The following ADAMTSL1 variants were observed in gnomAD, a reference collection of about 807,000 sequenced individuals.
ADAMTSL1 encodes ADAMTS like 1.
A neutral mutation model predicts 201.8 loss-of-function variants in ADAMTSL1; 126 were observed. The observed-to-expected ratio is 0.62, with a 90% CI of 0.54 to 0.72. The LOEUF is 0.72. Among genes scored for constraint, ADAMTSL1 ranks in the 30% least tolerant of loss-of-function variants. The pLI is 0.00. For missense variants in ADAMTSL1, 2,679 were observed against 2,277.8 expected, an observed-to-expected ratio of 1.18 and a Z score of -3.59; for synonymous variants, 1,121 against 903.4, an observed-to-expected ratio of 1.24 and a Z score of -4.32.
chr9:18,551,716 G>T (rs1820809697), intron 3 of ADAMTSL1, among the ~76,000 whole-genome samples: 1 of 151,770 alleles, frequency 6.6e-6, no homozygotes. Flanking sequence ...GGCACATAGG[G>T]TCGTCGTGAG....
At chr9:18,009,608 A>G (rs1399526248) in intron 1 of ADAMTSL1, among the ~76,000 whole-genome samples, 3 of 152,156 alleles carry the variant, frequency 2.0e-5, no homozygotes, top group African/African-American at 7.2e-5. Context: ...CTTGTTAAAA[A>G]TTTATATAAT....
chr9:18,267,937 A>C lies in ADAMTSL1; in HGVS notation c.207+103956A>C, dbSNP rs16936491. On this transcript the variant is annotated intron_variant, in intron 2 of 29. Coordinates refer to the ADAMTSL1 transcript ENST00000680146. ...TTTCTCATAATCTCACAATATACAG[A>C]TTTCTCATAATCTCAGAATTTCTCA... Among the ~76,000 whole-genome samples, 370 of 152,134 alleles carry C rather than the reference A, an allele frequency of 2.4e-3. 2 individuals carry two copies. Among genetic ancestry groups the C allele is most frequent in the African/African-American group, 8.5e-3 (351 of 41,522 alleles).
At chr9:18,289,180 CCTAT>C (rs760916202) in intron 2 of ADAMTSL1, among the ~76,000 whole-genome samples, 47 of 85,602 alleles carry the variant, frequency 5.5e-4, no homozygotes, top group African/African-American at 1.9e-3. Flanking sequence ...TATCTACCTA[CCTAT>C]CTATCTATAG....
intron 1 of ADAMTSL1, among the ~76,000 whole-genome samples, chr9:18,499,157 T>TCATCATATC (rs1315857498): frequency 6.6e-6 from 1 of 152,252 alleles, no homozygotes; most frequent in Non-Finnish European, 1.5e-5. Context: ...CACTGGCAGT[T>TCATCATATC]CATCATATCT....
At chr9:18,658,274 G>A (rs771317119) in intron 8 of ADAMTSL1, among the ~76,000 whole-genome samples, 5 of 151,978 alleles carry the variant, frequency 3.3e-5, no homozygotes, top group Non-Finnish European at 7.4e-5. Flanking sequence ...GTGCCCGACC[G>A]AGGAAACAGT....
At chr9:17,927,186 A>T (rs1212637681) in intron 1 of ADAMTSL1, among the ~76,000 whole-genome samples, 1 of 152,172 alleles carries the variant, frequency 6.6e-6, no homozygotes, top group East Asian at 1.9e-4. Flanking sequence ...GGCTTATTTC[A>T]CTTAAACATA....
At chr9:18,873,396 T>C (rs575927200) in intron 23 of ADAMTSL1, among the ~76,000 whole-genome samples, 25 of 152,290 alleles carry the variant, frequency 1.6e-4, no homozygotes, top group Admixed American at 1.5e-3. Context: ...GAAGGGTTTT[T>C]CCAGTGTTAC....
At chr9:18,135,621 C>G (rs1826126239) in intron 1 of ADAMTSL1, among the ~76,000 whole-genome samples, 1 of 151,928 alleles carries the variant, frequency 6.6e-6, no homozygotes. Context: ...GTAGCAAACC[C>G]TGCTTTAAAA....
At chr9:18,645,130 G>A (rs1465610160) in intron 7 of ADAMTSL1, among the ~76,000 whole-genome samples, 1 of 152,152 alleles carries the variant, frequency 6.6e-6, no homozygotes, top group Non-Finnish European at 1.5e-5. Context: ...GCATTTCTCT[G>A]AGGGCCAGTG....
intron 5 of ADAMTSL1, 102 bp from the exon 6 acceptor site, chr9:18,635,841 T>A (rs1400882151): frequency 1.1e-6 from 1 of 917,844 alleles, no homozygotes; most frequent in South Asian, 1.6e-5. Flanking sequence ...TTAAAAAAAC[T>A]GTAGTTTTTA....
chr9:18,233,802 A>G (rs957735593), intron 2 of ADAMTSL1, among the ~76,000 whole-genome samples: 1 of 152,118 alleles, frequency 6.6e-6, no homozygotes, highest in African/African-American at 2.4e-5. Flanking sequence ...TACAGAAATG[A>G]CTTCTGGGTT....
At chr9:18,249,741 G>A (rs746886985) in intron 2 of ADAMTSL1, among the ~76,000 whole-genome samples, 8 of 152,156 alleles carry the variant, frequency 5.3e-5, no homozygotes, top group Non-Finnish European at 7.4e-5. Flanking sequence ...GGCTCCTCAT[G>A]TTACTCTCAA....
intron 1 of ADAMTSL1, among the ~76,000 whole-genome samples, chr9:17,961,790 A>G (rs532517408): frequency 2.4e-4 from 37 of 152,118 alleles, no homozygotes; most frequent in Admixed American, 2.3e-3. Context: ...GGCCTTTCCC[A>G]TTTCTGCCCC....
chr9:18,505,769 C>A (rs369021125), intron 2 of ADAMTSL1, among the ~76,000 whole-genome samples: 1 of 152,146 alleles, frequency 6.6e-6, no homozygotes, highest in Admixed American at 6.5e-5. Flanking sequence ...ACTGTATATA[C>A]TATATTATAA....
At chr9:17,972,418 G>A (rs528059468) in intron 1 of ADAMTSL1, among the ~76,000 whole-genome samples, 77 of 148,944 alleles carry the variant, frequency 5.2e-4, no homozygotes, top group African/African-American at 1.8e-3. Context: ...ACGGTGTTTC[G>A]TTTTTTGTCC....
intron 4 of ADAMTSL1, among the ~76,000 whole-genome samples, chr9:18,613,105 G>C (rs989828122): frequency 6.6e-6 from 1 of 152,028 alleles, no homozygotes; most frequent in African/African-American, 2.4e-5. Flanking sequence ...AGAGCATATG[G>C]AAAAAAAGCT....
At chr9:18,636,052 G>A (rs13287455) in intron 6 of ADAMTSL1, 35 bp downstream of exon 6, 1 of 1,486,500 alleles carries the variant, frequency 6.7e-7, no homozygotes, top group Non-Finnish European at 9.1e-7. Context: ...TGGGAATTGG[G>A]AATTGTAGTC....
At chr9:18,151,835 A>G (rs1309710163) in intron 1 of ADAMTSL1, among the ~76,000 whole-genome samples, 2 of 152,032 alleles carry the variant, frequency 1.3e-5, no homozygotes, top group Non-Finnish European at 2.9e-5. Flanking sequence ...AGGTGCCAGG[A>G]GTTGTATCTC....
At chr9:18,191,306 A>C in intron 2 of ADAMTSL1, among the ~76,000 whole-genome samples, 1 of 151,978 alleles carries the variant, frequency 6.6e-6, no homozygotes, top group East Asian at 1.9e-4. Flanking sequence ...GTGCTTCAGC[A>C]CTCCAGAGCT....
Sources: allele counts gnomAD v4.1 joint callset (sites outside exome capture counted in the v4.1 genomes callset), GRCh38; gene constraint gnomAD v4.1.1; transcripts MANE v1.5; gene names NCBI Gene and HGNC (gene_info 2026-07-23, HGNC 2026-07-21).